RBFOX1: variants seen among roughly 807,000 people sequenced by gnomAD.
RBFOX1 encodes the protein RNA binding fox-1 homolog 1, also known as RNA binding protein fox-1 homolog 1.
RBFOX1 carries 8 observed loss-of-function variants against 57.7 expected under a neutral mutation model. The observed-to-expected ratio is 0.14, with a 90% CI of 0.08 to 0.25. The LOEUF is 0.25. Ranked by LOEUF, RBFOX1 falls within the 10% of genes least tolerant of loss-of-function variation. The pLI is 1.00. For synonymous variants in RBFOX1, 326 were observed against 222.4 expected, an observed-to-expected ratio of 1.47 and a Z score of -4.15; for missense variants, 611 against 548.5, an observed-to-expected ratio of 1.11 and a Z score of -1.14.
chr16:5,390,999 A>T (rs2066393479), intron 1 of RBFOX1, among the ~76,000 whole-genome samples: 1 of 152,204 alleles, frequency 6.6e-6, no homozygotes. Context: ...TCATTCCAGC[A>T]TCCTGGCTTG....
intron 2 of RBFOX1, among the ~76,000 whole-genome samples, chr16:6,528,641 C>A (rs1029566198): frequency 6.6e-6 from 1 of 152,158 alleles, no homozygotes. Flanking sequence ...CAGCTGTGGG[C>A]AGGGGCTCAT....
chr16:5,994,614 C>G (rs369068225), intron 4 of RBFOX1, among the ~76,000 whole-genome samples: 2 of 152,118 alleles, frequency 1.3e-5, no homozygotes, highest in African/African-American at 2.4e-5. Flanking sequence ...CCTACAGTCT[C>G]CATTGCAGCT....
At chr16:6,955,600 G>C (rs749725917) in intron 3 of RBFOX1, among the ~76,000 whole-genome samples, 1 of 151,956 alleles carries the variant, frequency 6.6e-6, no homozygotes, top group Non-Finnish European at 1.5e-5. Flanking sequence ...CTGGTGCATT[G>C]TATTGCCCAT....
intron 3 of RBFOX1, among the ~76,000 whole-genome samples, chr16:6,939,646 C>T (rs994520433): frequency 7.3e-5 from 11 of 151,620 alleles, no homozygotes; most frequent in Admixed American, 4.0e-4. Flanking sequence ...TGAGTAGCTG[C>T]GATTACAGCC....
chr16:7,651,721 A>G (rs1275116191), intron 11 of RBFOX1, among the ~76,000 whole-genome samples: 1 of 152,248 alleles, frequency 6.6e-6, no homozygotes, highest in East Asian at 1.9e-4. Flanking sequence ...GCTCTTCTGC[A>G]GAAAGCCTGG....
intron 1 of RBFOX1, among the ~76,000 whole-genome samples, chr16:5,389,967 G>A (rs1257728500): frequency 6.6e-6 from 1 of 152,060 alleles, no homozygotes; most frequent in Admixed American, 6.6e-5. Flanking sequence ...CCAAAGTGCT[G>A]GGATTACAGG....
At chr16:5,910,387 G>A (rs957776874) in intron 4 of RBFOX1, among the ~76,000 whole-genome samples, 3 of 152,206 alleles carry the variant, frequency 2.0e-5, no homozygotes, top group African/African-American at 7.2e-5. Flanking sequence ...CTGGAAGAAT[G>A]TCCCTTCTTC....
intron 1 of RBFOX1, among the ~76,000 whole-genome samples, chr16:6,114,329 A>G (rs978601534): frequency 3.3e-5 from 5 of 152,180 alleles, no homozygotes; most frequent in African/African-American, 7.2e-5. Flanking sequence ...TTTTATTTCC[A>G]TCTTATGCAA....
intron 2 of RBFOX1, among the ~76,000 whole-genome samples, chr16:6,528,352 G>A (rs2096610577): frequency 1.3e-5 from 2 of 152,154 alleles, no homozygotes; most frequent in South Asian, 4.1e-4. Flanking sequence ...CTGCCTAACT[G>A]TTTGCACAGT....
chr16:6,756,783 C>G (rs913197612), intron 3 of RBFOX1, among the ~76,000 whole-genome samples: 1 of 151,990 alleles, frequency 6.6e-6, no homozygotes, highest in Non-Finnish European at 1.5e-5. Context: ...ACCAGCCTGG[C>G]CAACATGGTG....
At chr16:6,121,533 G>T (rs1037160274) in intron 1 of RBFOX1, among the ~76,000 whole-genome samples, 5 of 152,282 alleles carry the variant, frequency 3.3e-5, no homozygotes, top group African/African-American at 1.2e-4. Context: ...TAACCTTTTT[G>T]TTTTTGCTGT....
At chr16:5,892,707 T>C (rs938790279) in intron 4 of RBFOX1, among the ~76,000 whole-genome samples, 2 of 152,286 alleles carry the variant, frequency 1.3e-5, no homozygotes, top group South Asian at 4.1e-4. Context: ...TAAGTCAAGA[T>C]ATGCAGCACT....
chr16:6,507,507 C>A (rs1226727209), intron 2 of RBFOX1, among the ~76,000 whole-genome samples: 189 of 97,120 alleles, frequency 1.9e-3, no homozygotes, highest in Middle Eastern at 6.8e-3. Flanking sequence ...CCTATCTGTA[C>A]AAAAAAAAAA....
intron 3 of RBFOX1, among the ~76,000 whole-genome samples, chr16:5,706,543 G>C (rs1433934912): frequency 6.6e-6 from 1 of 152,112 alleles, no homozygotes; most frequent in African/African-American, 2.4e-5. Flanking sequence ...TCTTCTCTGG[G>C]AGTTTGTTTT....
At chr16:5,778,455 A>G (rs1388827761) in intron 3 of RBFOX1, among the ~76,000 whole-genome samples, 1 of 152,192 alleles carries the variant, frequency 6.6e-6, no homozygotes, top group South Asian at 2.1e-4. Flanking sequence ...CCATGAAATT[A>G]TTCAAACAAA....
At chr16:7,157,652 T>C (rs1447658669) in intron 4 of RBFOX1, among the ~76,000 whole-genome samples, 1 of 152,040 alleles carries the variant, frequency 6.6e-6, no homozygotes, top group Admixed American at 6.6e-5. Flanking sequence ...ATTAAGGTGG[T>C]GGAAATGACA....
intron 4 of RBFOX1, among the ~76,000 whole-genome samples, chr16:7,488,758 C>T (rs902468291): frequency 1.3e-5 from 2 of 152,182 alleles, no homozygotes; most frequent in Admixed American, 6.5e-5. Context: ...CTACCTATCA[C>T]TTTATTTGTA....
intron 3 of RBFOX1, among the ~76,000 whole-genome samples, chr16:6,912,197 G>A (rs913498793): frequency 2.0e-5 from 3 of 152,274 alleles, no homozygotes; most frequent in African/African-American, 2.4e-5. Flanking sequence ...AAATTCCCAC[G>A]TGGAGTAATT....
chr16:5,991,658 T>C (rs1490434790), intron 4 of RBFOX1, among the ~76,000 whole-genome samples: 7 of 150,382 alleles, frequency 4.7e-5, no homozygotes, highest in African/African-American at 1.5e-4. Context: ...TTTTTTTTTT[T>C]TTTTTTTTCT....
Sources: gnomAD v4.1 joint callset for allele counts (sites outside exome capture counted in the v4.1 genomes callset) on GRCh38, gnomAD v4.1.1 for gene constraint, MANE v1.5 for transcripts, NCBI Gene and HGNC (gene_info 2026-07-23, HGNC 2026-07-21) for gene names.